The following MAP3K5 variants were observed in gnomAD, a reference collection of about 807,000 sequenced individuals.
MAP3K5 encodes the protein mitogen-activated protein kinase kinase kinase 5.
Under a neutral mutation model 158.7 loss-of-function variants are expected in MAP3K5, and 56 were observed. That is an observed-to-expected ratio of 0.35 (90% CI 0.28 to 0.44). The LOEUF is 0.44. MAP3K5 is among the 20% of genes least tolerant of loss of function. The probability of loss-of-function intolerance (pLI) is 1.00; values close to 1 mark genes in which losing one functional copy is unlikely to be tolerated. For synonymous variants in MAP3K5, 579 were observed against 601.7 expected, an observed-to-expected ratio of 0.96 and a Z score of 0.55; for missense variants, 1,294 against 1,674.8, an observed-to-expected ratio of 0.77 and a Z score of 3.97.
Position 136,579,646 on chromosome 6 carries a change from G to A in MAP3K5, c.3517+655C>T, listed in dbSNP as rs185969480. 1.6e-3 allele frequency among the ~76,000 whole-genome samples: 249 copies of A among 152,292 alleles called. 3 individuals are homozygous for A. Among genetic ancestry groups the A allele is most frequent in the African/African-American group, 5.7e-3 (236 of 41,558 alleles). On this transcript the variant is annotated intron_variant, in intron 25 of 29. Transcript: ENST00000359015. Reference sequence around the variant, plus strand: ...ACTATGGACTCTTGGTGATGATAACGTGTCAATGTAGATTCACTGATTGTA... The same window carrying A: ...ACTATGGACTCTTGGTGATGATAACATGTCAATGTAGATTCACTGATTGTA...
intron 3 of MAP3K5, among the ~76,000 whole-genome samples, chr6:136,700,101 A>T (rs906420587): frequency 3.3e-5 from 5 of 152,068 alleles, no homozygotes; most frequent in African/African-American, 1.2e-4. Context: ...CAAATGAAAG[A>T]AGGAGAAAGA....
intron 2 of MAP3K5, among the ~76,000 whole-genome samples, chr6:136,714,430 C>A (rs918050630): frequency 3.9e-5 from 6 of 152,270 alleles, no homozygotes; most frequent in African/African-American, 1.4e-4. Flanking sequence ...GAGATTGAGT[C>A]CCTCAGTGCC....
chr6:136,789,792 G>T (rs1784995484), intron 1 of MAP3K5, among the ~76,000 whole-genome samples: 1 of 143,464 alleles, frequency 7.0e-6, no homozygotes, highest in African/African-American at 2.6e-5. Context: ...AGGTTCAAGT[G>T]ATTATCCTGC....
intron 11 of MAP3K5, among the ~76,000 whole-genome samples, chr6:136,648,820 G>A (rs1360978967): frequency 6.6e-6 from 1 of 152,170 alleles, no homozygotes; most frequent in Non-Finnish European, 1.5e-5. Context: ...CAAAGCACGG[G>A]ACATTCTTCT....
intron 3 of MAP3K5, among the ~76,000 whole-genome samples, chr6:136,702,643 C>G: frequency 6.6e-6 from 1 of 152,212 alleles, no homozygotes; most frequent in East Asian, 1.9e-4. Context: ...GAAATAACAA[C>G]ACATGCTATA....
At chr6:136,590,170 T>C (rs766888570) in intron 23 of MAP3K5, among the ~76,000 whole-genome samples, 21 of 152,140 alleles carry the variant, frequency 1.4e-4, no homozygotes, top group Non-Finnish European at 1.3e-4. Context: ...CTACCACGAG[T>C]TGAAGCAGCA....
intron 14 of MAP3K5, 42 bp from the exon 15 acceptor site, chr6:136,623,023 T>A (rs1776879751): frequency 6.3e-7 from 1 of 1,592,498 alleles, no homozygotes; most frequent in Non-Finnish European, 8.6e-7. Context: ...AAACATTAGT[T>A]CATTCTACAT....
chr6:136,585,672 T>C (rs1309505391), intron 23 of MAP3K5, among the ~76,000 whole-genome samples: 1 of 151,504 alleles, frequency 6.6e-6, no homozygotes, highest in African/African-American at 2.4e-5. Context: ...AACTTTTGTA[T>C]TTTTAGTAGA....
At chr6:136,578,573 G>A (rs1236626902) in intron 25 of MAP3K5, among the ~76,000 whole-genome samples, 1 of 151,950 alleles carries the variant, frequency 6.6e-6, no homozygotes, top group East Asian at 1.9e-4. Flanking sequence ...TAGATTTGGG[G>A]ATAGGTCCAG....
chr6:136,567,605 C>A lies in MAP3K5; in HGVS notation c.3761+26G>T, dbSNP rs1162277174. 2.5e-6 allele frequency: 4 copies of A among 1,575,980 alleles called. No individual in the cohort carries two copies. In the East Asian group the frequency reaches 9.1e-5, roughly 36 times the overall value. ...TTTAGTAAAAGTAAAAGAAAAGAAA[C>A]CAACCCACGTCAGTGTAGGACTTAC... On this transcript the variant is annotated intron_variant, in intron 26 of 29. Coordinates refer to ENST00000359015, the MANE Select transcript of MAP3K5 (RefSeq NM_005923.4).
At chr6:136,730,062 T>C (rs1352939789) in intron 1 of MAP3K5, among the ~76,000 whole-genome samples, 1 of 152,106 alleles carries the variant, frequency 6.6e-6, no homozygotes, top group Non-Finnish European at 1.5e-5. Flanking sequence ...AGCCTCCAAC[T>C]ACTGGGCTGA....
At chr6:136,696,349 T>C (rs1026433196) in intron 5 of MAP3K5, among the ~76,000 whole-genome samples, 2 of 152,274 alleles carry the variant, frequency 1.3e-5, no homozygotes, top group South Asian at 4.1e-4. Flanking sequence ...TGTCTAAATA[T>C]GGGTGATTTA....
chr6:136,757,579 ATT>A (rs776508913), intron 1 of MAP3K5, among the ~76,000 whole-genome samples: 8 of 111,972 alleles, frequency 7.1e-5, no homozygotes, highest in African/African-American at 2.5e-4. Flanking sequence ...TTATTTATTT[ATT>A]TTTTATTTTT....
intron 9 of MAP3K5, among the ~76,000 whole-genome samples, chr6:136,658,767 T>C (rs1778878603): frequency 6.6e-6 from 1 of 152,180 alleles, no homozygotes; most frequent in Non-Finnish European, 1.5e-5. Context: ...AAATGTGTCA[T>C]CAGTCAAATC....
intron 1 of MAP3K5, among the ~76,000 whole-genome samples, chr6:136,766,243 T>A (rs1783963101): frequency 1.3e-5 from 2 of 152,206 alleles, no homozygotes; most frequent in South Asian, 4.1e-4. Context: ...GGAATAAACT[T>A]CTGAATTGCA....
intron 7 of MAP3K5, among the ~76,000 whole-genome samples, chr6:136,670,359 C>G (rs1335190556): frequency 2.6e-5 from 4 of 151,554 alleles, no homozygotes; most frequent in South Asian, 2.1e-4. Context: ...AAATAAATGC[C>G]CTAGTGACTA....
intron 7 of MAP3K5, among the ~76,000 whole-genome samples, chr6:136,672,927 T>C (rs1207681247): frequency 6.7e-6 from 1 of 148,438 alleles, no homozygotes; most frequent in African/African-American, 2.5e-5. Context: ...GAGGTGGAGG[T>C]TGCAGTGAGC....
At chr6:136,658,309 C>CTTTTTT (rs1352808549) in intron 9 of MAP3K5, among the ~76,000 whole-genome samples, 27 of 75,662 alleles carry the variant, frequency 3.6e-4, no homozygotes, top group African/African-American at 9.6e-4. Flanking sequence ...TTCTTTCTTT[C>CTTTTTT]TTTCTTTTTT....
At chr6:136,572,423 T>A (rs568938649) in intron 25 of MAP3K5, among the ~76,000 whole-genome samples, 67 of 152,290 alleles carry the variant, frequency 4.4e-4, no homozygotes, top group African/African-American at 1.6e-3. Context: ...CATGCCTGGC[T>A]AATTTTGTAT....
Sources: allele counts gnomAD v4.1 joint callset (sites outside exome capture counted in the v4.1 genomes callset), GRCh38; gene constraint gnomAD v4.1.1; transcripts MANE v1.5; gene names NCBI Gene and HGNC (gene_info 2026-07-23, HGNC 2026-07-21).